ENAH: variants seen among roughly 807,000 people sequenced by gnomAD.
ENAH encodes the protein protein enabled homolog.
In ENAH, 23 loss-of-function variants were observed where a neutral mutation model predicts 78.7. The observed-to-expected ratio is 0.29, with a 90% CI of 0.21 to 0.41. ENAH has a LOEUF of 0.41. Ranked by LOEUF, ENAH falls within the 10% of genes least tolerant of loss-of-function variation. ENAH has a pLI of 1.00. For missense variants in ENAH, 544 were observed against 691.0 expected, an observed-to-expected ratio of 0.79 and a Z score of 2.39; for synonymous variants, 226 against 241.0, an observed-to-expected ratio of 0.94 and a Z score of 0.58.
chr1:225,554,668 A>G (rs1184080417), intron 3 of ENAH, among the ~76,000 whole-genome samples: 2 of 152,258 alleles, frequency 1.3e-5, no homozygotes, highest in African/African-American at 4.8e-5. Context: ...AGAATTAAAA[A>G]GAACTAAACT....
At chr1:225,540,486 A>AC (rs751317775) in intron 3 of ENAH, among the ~76,000 whole-genome samples, 8 of 152,182 alleles carry the variant, frequency 5.3e-5, no homozygotes, top group Non-Finnish European at 1.2e-4. Flanking sequence ...GTTTCTGATA[A>AC]CTACAGTAAC....
At chr1:225,503,385 C>A (rs2096296486) in intron 11 of ENAH, among the ~76,000 whole-genome samples, 1 of 152,090 alleles carries the variant, frequency 6.6e-6, no homozygotes, top group Non-Finnish European at 1.5e-5. Flanking sequence ...GACCTCCTGG[C>A]CTCAAGTCTT....
intron 1 of ENAH, among the ~76,000 whole-genome samples, chr1:225,588,832 A>T (rs1486181250): frequency 6.6e-6 from 1 of 151,172 alleles, no homozygotes; most frequent in Non-Finnish European, 1.5e-5. Context: ...AAAAGGAAAA[A>T]ACTTGGCAGT....
At chr1:225,641,469 T>TAAAA (rs76444455) in intron 1 of ENAH, among the ~76,000 whole-genome samples, 21 of 52,234 alleles carry the variant, frequency 4.0e-4, no homozygotes, top group South Asian at 6.6e-4. Flanking sequence ...ACTCCATCTC[T>TAAAA]AAAAAAAAAA....
chr1:225,516,996 T>A (rs191167987), intron 6 of ENAH, among the ~76,000 whole-genome samples, 200 bp downstream of exon 6: 9 of 151,760 alleles, frequency 5.9e-5, no homozygotes, highest in African/African-American at 1.9e-4. Flanking sequence ...ATAAGGAAAT[T>A]CCTCCAAATG....
Position 225,507,508 on chromosome 1 carries a change from T to TA in ENAH, c.1538+442dup, listed in dbSNP as rs569760928. Among the ~76,000 whole-genome samples the TA allele has an allele frequency of 7.2e-4, 110 of 152,214 alleles. 1 individual carries two copies. Among genetic ancestry groups the TA allele is most frequent in the African/African-American group, 2.5e-3 (103 of 41,548 alleles). On this transcript the variant is annotated intron_variant, in intron 11 of 13. Transcript: ENST00000366843. ...TTCTTCCAAAAAACACTGAAGTATT[T>TA]AGGGTGAAACAGTTCTTATTTGTGA...
chr1:225,515,758 A>C (rs1348937875), intron 6 of ENAH, among the ~76,000 whole-genome samples: 1 of 152,188 alleles, frequency 6.6e-6, no homozygotes, highest in Non-Finnish European at 1.5e-5. Context: ...TTTCAGCTTG[A>C]GCAGTTACAC....
At chr1:225,598,053 A>G (rs1488537866) in intron 1 of ENAH, among the ~76,000 whole-genome samples, 1 of 151,930 alleles carries the variant, frequency 6.6e-6, no homozygotes, top group Non-Finnish European at 1.5e-5. Context: ...AGGTAAGGAG[A>G]CAGTTAACAT....
chr1:225,576,375 T>C (rs889234027), intron 1 of ENAH, among the ~76,000 whole-genome samples: 5 of 151,974 alleles, frequency 3.3e-5, no homozygotes, highest in African/African-American at 1.2e-4. Flanking sequence ...CTAAATATTA[T>C]ATAAATTGAT....
intron 11 of ENAH, among the ~76,000 whole-genome samples, chr1:225,505,629 T>TTAAAGCAGC (rs3081080): frequency 0.84 from 126,909 of 151,532 alleles, 53,229 homozygotes; most frequent in Middle Eastern, 0.91. Flanking sequence ...TAAGACATAC[T>TTAAAGCAGC]TAATACACTT....
chr1:225,635,416 C>T (rs923434467), intron 1 of ENAH, among the ~76,000 whole-genome samples: 1 of 152,166 alleles, frequency 6.6e-6, no homozygotes, highest in Non-Finnish European at 1.5e-5. Context: ...GTGTGACGAT[C>T]TTGTACCCTG....
At chr1:225,645,803 C>G (rs939200741) in intron 1 of ENAH, among the ~76,000 whole-genome samples, 1 of 152,140 alleles carries the variant, frequency 6.6e-6, no homozygotes, top group Non-Finnish European at 1.5e-5. Flanking sequence ...ATGTTTATAA[C>G]CCACTCAAAA....
At chr1:225,503,913 T>C (rs1347399696) in intron 11 of ENAH, among the ~76,000 whole-genome samples, 1 of 152,126 alleles carries the variant, frequency 6.6e-6, no homozygotes, top group Non-Finnish European at 1.5e-5. Context: ...AAAATAGATG[T>C]GTAAAATAAC....
chr1:225,516,964 A>T (rs1190448399), intron 6 of ENAH, among the ~76,000 whole-genome samples: 1 of 152,054 alleles, frequency 6.6e-6, no homozygotes, highest in Non-Finnish European at 1.5e-5. Context: ...CGATACTATA[A>T]AAGATATCAA....
rs2096247015 is a variant in ENAH, at chr1:225,495,713, A to G, written c.*2062T>C. 6.6e-6 allele frequency: 1 copy of G among 152,494 alleles called. No individual in the cohort carries two copies. Among genetic ancestry groups the G allele is most frequent in the South Asian group, 2.1e-4 (1 of 4,826 alleles). 9.4% of individuals were successfully genotyped at this position (152,494 alleles called of 1,614,324 possible). A position where few individuals can be genotyped will look rare whatever the true frequency, so the allele number is the denominator to read the frequency against. The stretch of plus-strand genomic sequence containing the variant: ...TTTATATTATCAAAGTGTTTGCATA[A>G]CCAAAAGTACAATAATAAAGATGAA... On this transcript the variant is annotated 3_prime_UTR_variant, in exon 14 of 14. Transcript: ENST00000366843.
intron 1 of ENAH, among the ~76,000 whole-genome samples, chr1:225,624,654 A>C (rs1052145855): frequency 6.6e-6 from 1 of 151,918 alleles, no homozygotes. Context: ...TAAATAAATA[A>C]ATAAATATTT....
intron 4 of ENAH, among the ~76,000 whole-genome samples, chr1:225,523,057 A>G (rs2096482126): frequency 6.6e-6 from 1 of 152,026 alleles, no homozygotes; most frequent in African/African-American, 2.4e-5. Flanking sequence ...TCTACTTTCT[A>G]ACAGGAAGAT....
intron 2 of ENAH, among the ~76,000 whole-genome samples, chr1:225,555,348 C>T (rs749412540): frequency 2.6e-5 from 4 of 152,048 alleles, no homozygotes; most frequent in Non-Finnish European, 5.9e-5. Context: ...TGGGAGGGCT[C>T]GAGGCAGGCA....
At chr1:225,640,262 T>C (rs140249811) in intron 1 of ENAH, among the ~76,000 whole-genome samples, 415 of 152,344 alleles carry the variant, frequency 2.7e-3, no homozygotes, top group African/African-American at 9.7e-3. Flanking sequence ...TTCATTCTAA[T>C]AATTTAACAC....
Sources: allele counts gnomAD v4.1 joint callset (sites outside exome capture counted in the v4.1 genomes callset), GRCh38; gene constraint gnomAD v4.1.1; transcripts MANE v1.5; gene names NCBI Gene and HGNC (gene_info 2026-07-23, HGNC 2026-07-21).